CFAP20DC: variants seen among roughly 807,000 people sequenced by gnomAD.
The protein encoded by CFAP20DC is CFAP20 domain containing, also known as protein CFAP20DC.
In CFAP20DC, 84 loss-of-function variants were observed where a neutral mutation model predicts 101.7. That is an observed-to-expected ratio of 0.83 (90% CI 0.69 to 0.99). CFAP20DC has a LOEUF of 0.99. Ranked by LOEUF, CFAP20DC falls within the 50% of genes least tolerant of loss-of-function variation. The pLI, the probability that CFAP20DC is intolerant of heterozygous loss-of-function variation, is 0.00. For synonymous variants in CFAP20DC, 359 were observed against 351.2 expected (o/e 1.02, Z -0.25); for missense variants, 1,007 against 970.3 (o/e 1.04, Z -0.50).
intron 13 of CFAP20DC, among the ~76,000 whole-genome samples, chr3:58,843,673 A>T (rs1490210271): frequency 6.6e-6 from 1 of 151,120 alleles, no homozygotes; most frequent in Non-Finnish European, 1.5e-5. Flanking sequence ...TGCCACAAAG[A>T]TACTCCTCGA....
At chr3:58,789,987 T>A (rs1343411427) in intron 15 of CFAP20DC, among the ~76,000 whole-genome samples, 1 of 152,132 alleles carries the variant, frequency 6.6e-6, no homozygotes, top group Non-Finnish European at 1.5e-5. Context: ...AAAAGCAAAC[T>A]ATTTTAGACT....
intron 14 of CFAP20DC, among the ~76,000 whole-genome samples, chr3:58,807,638 G>A (rs1234344798): frequency 6.6e-6 from 1 of 152,170 alleles, no homozygotes; most frequent in Non-Finnish European, 1.5e-5. Context: ...ACAAAAACTG[G>A]AAACTCTAAA....
chr3:58,841,533 C>T (rs999141847), intron 13 of CFAP20DC, among the ~76,000 whole-genome samples: 1 of 152,066 alleles, frequency 6.6e-6, no homozygotes, highest in Non-Finnish European at 1.5e-5. Flanking sequence ...TTAAATATAT[C>T]GGGGCAGAAA....
At chr3:58,941,327 CAAAAAAAAAA>C (rs752324535) in intron 4 of CFAP20DC, among the ~76,000 whole-genome samples, 16 of 19,508 alleles carry the variant, frequency 8.2e-4, no homozygotes, top group Non-Finnish European at 1.3e-3. Context: ...GACTCCGTCT[CAAAAAAAAAA>C]AAAAAAAAAA....
intron 4 of CFAP20DC, among the ~76,000 whole-genome samples, chr3:58,948,639 C>T (rs1270490069): frequency 6.6e-6 from 1 of 152,170 alleles, no homozygotes; most frequent in Non-Finnish European, 1.5e-5. Flanking sequence ...GGGATGAAGC[C>T]CACTTGATCA....
At chr3:58,753,599 G>C (rs1228617346) in intron 16 of CFAP20DC, 170 bp downstream of exon 16, 1 of 567,860 alleles carries the variant, frequency 1.8e-6, no homozygotes, top group Non-Finnish European at 3.1e-6. Flanking sequence ...CTTTTTAGTT[G>C]TAAAGAACCC....
chr3:58,910,821 C>T (rs1576268636), intron 6 of CFAP20DC, among the ~76,000 whole-genome samples: 1 of 151,930 alleles, frequency 6.6e-6, no homozygotes, highest in Admixed American at 6.6e-5. Flanking sequence ...AGGAAGAAAA[C>T]ACCACCTAGA....
intron 6 of CFAP20DC, among the ~76,000 whole-genome samples, chr3:58,904,815 A>T (rs1234511795): frequency 6.6e-6 from 1 of 152,152 alleles, no homozygotes; most frequent in African/African-American, 2.4e-5. Context: ...CAGTGAGTCT[A>T]TTAAGGCTAG....
At chr3:58,784,195 T>C (rs973507592) in intron 15 of CFAP20DC, among the ~76,000 whole-genome samples, 7 of 152,072 alleles carry the variant, frequency 4.6e-5, no homozygotes, top group Non-Finnish European at 5.9e-5. Flanking sequence ...TTTCTATTCC[T>C]GGGTTAATTT....
At chr3:58,854,880 A>G (rs2078620030) in intron 12 of CFAP20DC, among the ~76,000 whole-genome samples, 2 of 144,924 alleles carry the variant, frequency 1.4e-5, no homozygotes, top group Non-Finnish European at 1.5e-5. Flanking sequence ...AACCATAAAA[A>G]CCCTAGAAGA....
At chr3:58,969,055 C>G (rs1409647757) in intron 4 of CFAP20DC, among the ~76,000 whole-genome samples, 2 of 152,146 alleles carry the variant, frequency 1.3e-5, no homozygotes, top group East Asian at 3.9e-4. Context: ...CTATTCTCCT[C>G]CACTGGTCTG....
intron 5 of CFAP20DC, among the ~76,000 whole-genome samples, chr3:58,931,906 G>A (rs914425623): frequency 6.6e-5 from 10 of 152,210 alleles, no homozygotes; most frequent in Non-Finnish European, 1.0e-4. Context: ...CTCCAGCAAC[G>A]GAACAAAGCT....
At chr3:58,931,144 TACGCCC>T (rs912480589) in intron 5 of CFAP20DC, among the ~76,000 whole-genome samples, 1 of 152,160 alleles carries the variant, frequency 6.6e-6, no homozygotes, top group African/African-American at 2.4e-5. Context: ...CGGAGGGTCC[TACGCCC>T]ACGGAGTCTC....
intron 16 of CFAP20DC, among the ~76,000 whole-genome samples, chr3:58,744,482 AT>A (rs1439862521): frequency 1.3e-5 from 2 of 152,212 alleles, no homozygotes; most frequent in African/African-American, 4.8e-5. Flanking sequence ...AGTGTCCTAC[AT>A]TTTAATAAGT....
chr3:58,996,845 C>T lies in CFAP20DC; in HGVS notation c.278+42712G>A, dbSNP rs531783797. ...GTAATTCTAGATGCTTTTGAGACAG[C>T]CAGGTGGGAGGGGTTCTCCAACAGG... On this transcript the variant is annotated intron_variant, in intron 4 of 16. Coordinates refer to ENST00000482387, the MANE Select transcript of CFAP20DC (RefSeq NM_001394063.1). 3.7e-4 allele frequency among the ~76,000 whole-genome samples: 56 copies of T among 152,300 alleles called. 1 individual carries two copies. The highest frequency in any genetic ancestry group is 1.3e-3 in the African/African-American group (54 of 41,562).
intron 15 of CFAP20DC, among the ~76,000 whole-genome samples, chr3:58,758,660 G>T (rs2069198960): frequency 1.3e-5 from 2 of 152,110 alleles, no homozygotes; most frequent in Admixed American, 6.6e-5. Flanking sequence ...TTAGCATTAG[G>T]TATATCTCCT....
intron 15 of CFAP20DC, among the ~76,000 whole-genome samples, chr3:58,765,490 C>CAAAAAAAAAAAAAAAA (rs1337049385): frequency 1.2e-5 from 1 of 81,828 alleles, no homozygotes; most frequent in Non-Finnish European, 2.5e-5. Context: ...AAAAAAAAAC[C>CAAAAAAAAAAAAAAAA]AAAAAAAAAA....
intron 7 of CFAP20DC, among the ~76,000 whole-genome samples, chr3:58,884,258 G>C (rs551654456): frequency 6.6e-6 from 1 of 152,316 alleles, no homozygotes; most frequent in Admixed American, 6.5e-5. Flanking sequence ...AGTGGTTAAA[G>C]TTACTGTTTC....
At position 59,006,310 on chromosome 3, in the gene CFAP20DC, G is replaced by A. The variant is rs1001016156; in HGVS notation, c.278+33247C>T. Among the ~76,000 whole-genome samples, 5 of 152,130 alleles carry A rather than the reference G, an allele frequency of 3.3e-5. No individual in the cohort carries two copies. The highest frequency in any genetic ancestry group is 5.9e-5 in the Non-Finnish European group (4 of 68,032). On this transcript the variant is annotated intron_variant, in intron 4 of 16. Coordinates refer to ENST00000482387, the MANE Select transcript of CFAP20DC (RefSeq NM_001394063.1). This position sits in a 1 kb window ranked among gnomAD's most constrained non-coding sequence, Gnocchi z 4.3. The stretch of plus-strand genomic sequence containing the variant: ...GAGGAAGATGGTGCCCAGGAGGCAG[G>A]GCTAATGTGCACCTCTCACTTGGAG...
Sources: gnomAD v4.1 joint callset for allele counts (sites outside exome capture counted in the v4.1 genomes callset) on GRCh38, gnomAD v4.1.1 for gene constraint, Gnocchi (gnomAD v3.1) non-coding constraint, MANE v1.5 for transcripts, NCBI Gene and HGNC (gene_info 2026-07-23, HGNC 2026-07-21) for gene names.